CTNNBIP1: variants seen among roughly 807,000 people sequenced by gnomAD.
CTNNBIP1 encodes the protein beta-catenin-interacting protein 1.
In CTNNBIP1, 7 loss-of-function variants were observed where a neutral mutation model predicts 11.8. That is an observed-to-expected ratio of 0.60 (90% CI 0.34 to 1.12). CTNNBIP1 has a LOEUF of 1.12. CTNNBIP1 is among the 50% of genes most tolerant of loss of function. The pLI is 0.03. For missense variants in CTNNBIP1, 101 were observed against 113.4 expected (o/e 0.89, Z 0.50); for synonymous variants, 58 against 43.9 (o/e 1.32, Z -1.26).
chr1:9,873,205 T>C (rs2101484204), intron 3 of CTNNBIP1, among the ~76,000 whole-genome samples: 1 of 152,210 alleles, frequency 6.6e-6, no homozygotes, highest in Non-Finnish European at 1.5e-5. Context: ...CACAATAAGC[T>C]AATAGCAGCT....
At chr1:9,902,488 T>C (rs1217087563) in intron 1 of CTNNBIP1, among the ~76,000 whole-genome samples, 1 of 152,162 alleles carries the variant, frequency 6.6e-6, no homozygotes, top group Admixed American at 6.5e-5. Flanking sequence ...TCTCAAGATG[T>C]CCATACCAAG....
intron 5 of CTNNBIP1, among the ~76,000 whole-genome samples, chr1:9,854,758 C>T (rs911310379): frequency 2.6e-5 from 4 of 152,026 alleles, no homozygotes; most frequent in African/African-American, 9.7e-5. Flanking sequence ...CTGACTGCAA[C>T]CTCCGCCTCC....
intron 5 of CTNNBIP1, among the ~76,000 whole-genome samples, chr1:9,868,560 T>C (rs1373913512): frequency 6.6e-6 from 1 of 152,238 alleles, no homozygotes; most frequent in Non-Finnish European, 1.5e-5. Context: ...TGTTAAAATA[T>C]TAGTTTTACA....
intron 1 of CTNNBIP1, among the ~76,000 whole-genome samples, chr1:9,892,288 G>A (rs962265899): frequency 6.6e-6 from 1 of 152,132 alleles, no homozygotes; most frequent in African/African-American, 2.4e-5. Flanking sequence ...CAGGCGTGGT[G>A]GTGGGTGCCT....
chr1:9,853,755 G>A (rs1638441719), intron 5 of CTNNBIP1, among the ~76,000 whole-genome samples: 1 of 152,206 alleles, frequency 6.6e-6, no homozygotes. Flanking sequence ...AGCATAGGAG[G>A]GGAGAGGTTG....
At chr1:9,901,184 GA>G (rs1639513769) in intron 1 of CTNNBIP1, among the ~76,000 whole-genome samples, 1 of 152,190 alleles carries the variant, frequency 6.6e-6, no homozygotes, top group South Asian at 2.1e-4. Context: ...TAGAAGTTCA[GA>G]AACAGGTCTC....
intron 5 of CTNNBIP1, among the ~76,000 whole-genome samples, chr1:9,865,537 G>A (rs994571098): frequency 6.6e-6 from 1 of 151,962 alleles, no homozygotes; most frequent in African/African-American, 2.4e-5. Context: ...CCGGGAGGTG[G>A]AGTTTGCAGT....
chr1:9,894,838 T>C (rs1639376610), intron 1 of CTNNBIP1, among the ~76,000 whole-genome samples: 1 of 151,786 alleles, frequency 6.6e-6, no homozygotes, highest in Non-Finnish European at 1.5e-5. Context: ...CCTCCCGGGT[T>C]CAAGAGATTC....
intron 1 of CTNNBIP1, among the ~76,000 whole-genome samples, chr1:9,908,875 G>C (rs888304227): frequency 1.3e-5 from 2 of 152,150 alleles, no homozygotes; most frequent in Non-Finnish European, 2.9e-5. Context: ...GCTCACTACT[G>C]AATGAATGAA....
intron 2 of CTNNBIP1, among the ~76,000 whole-genome samples, chr1:9,880,764 A>G (rs1411453055): frequency 1.3e-5 from 2 of 152,216 alleles, no homozygotes; most frequent in Non-Finnish European, 2.9e-5. Flanking sequence ...CATCCATGTA[A>G]GACAGTAAGC....
intron 5 of CTNNBIP1, among the ~76,000 whole-genome samples, chr1:9,859,078 C>A (rs1258247291): frequency 6.6e-6 from 1 of 152,142 alleles, no homozygotes; most frequent in Non-Finnish European, 1.5e-5. Context: ...ACCCAGAGTG[C>A]CAACCTGGGA....
intron 5 of CTNNBIP1, among the ~76,000 whole-genome samples, chr1:9,854,899 G>A (rs1292596204): frequency 1.3e-5 from 2 of 152,056 alleles, no homozygotes; most frequent in Non-Finnish European, 2.9e-5. Flanking sequence ...CTGGTCTCGA[G>A]CTCCTGAGCT....
chr1:9,873,598 C>A (rs377593797), intron 3 of CTNNBIP1, among the ~76,000 whole-genome samples: 2 of 152,156 alleles, frequency 1.3e-5, no homozygotes, highest in African/African-American at 2.4e-5. Context: ...CCTTGCACCC[C>A]GAACCTGGGT....
chr1:9,902,683 A>G (rs1446547525), intron 1 of CTNNBIP1, among the ~76,000 whole-genome samples: 1 of 152,050 alleles, frequency 6.6e-6, no homozygotes, highest in Non-Finnish European at 1.5e-5. Flanking sequence ...TCATCAAATC[A>G]TTCTTTCTTC....
chr1:9,879,817 A>G (rs1639045669), intron 2 of CTNNBIP1, among the ~76,000 whole-genome samples: 1 of 152,190 alleles, frequency 6.6e-6, no homozygotes, highest in Non-Finnish European at 1.5e-5. Context: ...CAAGAAGCAG[A>G]GGGGAACACT....
intron 5 of CTNNBIP1, among the ~76,000 whole-genome samples, chr1:9,870,088 G>A (rs1638829808): frequency 6.6e-6 from 1 of 152,226 alleles, no homozygotes; most frequent in Non-Finnish European, 1.5e-5. Flanking sequence ...CGGTGCTTGG[G>A]AACAGGCCCC....
intron 1 of CTNNBIP1, among the ~76,000 whole-genome samples, chr1:9,891,232 AC>A (rs1639294503): frequency 6.6e-6 from 1 of 152,032 alleles, no homozygotes; most frequent in African/African-American, 2.4e-5. Context: ...TGTTCACGCC[AC>A]CCCATTCCCA....
intron 1 of CTNNBIP1, among the ~76,000 whole-genome samples, chr1:9,887,665 T>G (rs966838579): frequency 3.4e-5 from 5 of 149,098 alleles, no homozygotes; most frequent in Non-Finnish European, 5.9e-5. Context: ...ATCTCGCCAC[T>G]GCACTCCAAC....
chr1:9,852,525 A>G (rs1379399340), intron 5 of CTNNBIP1, among the ~76,000 whole-genome samples: 1 of 152,176 alleles, frequency 6.6e-6, no homozygotes, highest in Non-Finnish European at 1.5e-5. Context: ...TCTCAGGAAC[A>G]TTCTGTTTTC....
Sources: allele counts gnomAD v4.1 joint callset (sites outside exome capture counted in the v4.1 genomes callset), GRCh38; gene constraint gnomAD v4.1.1; transcripts MANE v1.5; gene names NCBI Gene and HGNC (gene_info 2026-07-23, HGNC 2026-07-21).